Variants in GPC6 observed in about 807,000 individuals in gnomAD.
GPC6 encodes the protein glypican 6.
In GPC6, 14 loss-of-function variants were observed where a neutral mutation model predicts 55.2. That is an observed-to-expected ratio of 0.25 (90% confidence interval 0.17 to 0.40). GPC6 has a LOEUF of 0.40. Ranked by LOEUF, GPC6 falls within the 10% of genes least tolerant of loss-of-function variation. The pLI is 1.00. For synonymous variants in GPC6, 278 were observed against 259.6 expected, an observed-to-expected ratio of 1.07 and a Z score of -0.68; for missense variants, 641 against 708.5, an observed-to-expected ratio of 0.90 and a Z score of 1.08.
chr13:93,341,507 A>T (rs1329002414), intron 1 of GPC6, among the ~76,000 whole-genome samples: 3 of 152,126 alleles, frequency 2.0e-5, no homozygotes, highest in Non-Finnish European at 4.4e-5. Flanking sequence ...AGTGATGTTG[A>T]GCATTTTTTC....
At chr13:93,327,604 G>C (rs1483712490) in intron 1 of GPC6, among the ~76,000 whole-genome samples, 1 of 152,066 alleles carries the variant, frequency 6.6e-6, no homozygotes, top group Non-Finnish European at 1.5e-5. Context: ...CTCAGATCCT[G>C]GCTAGTTTAG....
intron 6 of GPC6, among the ~76,000 whole-genome samples, chr13:94,310,035 A>G (rs1467237335): frequency 4.6e-5 from 7 of 152,230 alleles, no homozygotes; most frequent in Non-Finnish European, 8.8e-5. Flanking sequence ...GGAAATGTCA[A>G]GTATAAAAAT....
At chr13:93,789,610 T>C (rs1404056443) in intron 2 of GPC6, among the ~76,000 whole-genome samples, 1 of 27,688 alleles carries the variant, frequency 3.6e-5, no homozygotes, top group Admixed American at 6.0e-4. Context: ...TATATATATA[T>C]ATATATATAT....
chr13:93,816,268 A>G (rs1236876973), intron 2 of GPC6, among the ~76,000 whole-genome samples: 1 of 152,158 alleles, frequency 6.6e-6, no homozygotes, highest in Admixed American at 6.5e-5. Context: ...AAAAGCATTC[A>G]TTACAATACC....
chr13:93,628,489 G>A (rs1879299042), intron 2 of GPC6, among the ~76,000 whole-genome samples: 1 of 152,192 alleles, frequency 6.6e-6, no homozygotes. Context: ...ACTTGTAGCT[G>A]TGTAAGTATT....
chr13:93,303,640 G>C (rs967084848), intron 1 of GPC6, among the ~76,000 whole-genome samples: 2 of 151,790 alleles, frequency 1.3e-5, no homozygotes, highest in African/African-American at 2.4e-5. Context: ...AGGAGCAGAG[G>C]GTTCTTAAAT....
rs536045193 is a variant in GPC6 at position 94,381,172 on chromosome 13, C to G, written c.1153-1242C>G. ...AATAAATAATCTGTGTTACTAGGTA[C>G]TTTGAGATTCTGTAAATATCCCATT... On this transcript the variant is annotated intron_variant, in intron 6 of 8. Transcript: ENST00000377047. Among the ~76,000 whole-genome samples, 5 of 152,286 alleles carry G rather than the reference C, an allele frequency of 3.3e-5. No individual in the cohort carries two copies. In the South Asian group the frequency reaches 1.0e-3, roughly 32 times the overall value.
intron 1 of GPC6, among the ~76,000 whole-genome samples, chr13:93,443,410 A>G (rs1299115994): frequency 6.6e-6 from 1 of 152,204 alleles, no homozygotes; most frequent in African/African-American, 2.4e-5. Flanking sequence ...AACTGGATTG[A>G]TTAGGTAATA....
intron 3 of GPC6, among the ~76,000 whole-genome samples, chr13:93,856,998 T>G (rs775984629): frequency 6.6e-6 from 1 of 151,624 alleles, no homozygotes; most frequent in Non-Finnish European, 1.5e-5. Context: ...TAGATTCTTA[T>G]TCAACATTTC....
intron 2 of GPC6, among the ~76,000 whole-genome samples, chr13:93,715,630 A>T (rs1230170468): frequency 6.6e-6 from 1 of 151,634 alleles, no homozygotes; most frequent in Non-Finnish European, 1.5e-5. Flanking sequence ...TAAAAGTTGA[A>T]AACAGAGAAA....
chr13:94,131,256 T>G (rs1321578982), intron 4 of GPC6, among the ~76,000 whole-genome samples: 1 of 152,154 alleles, frequency 6.6e-6, no homozygotes, highest in East Asian at 1.9e-4. Context: ...TTTAAAGGTT[T>G]TCTGTTTTAT....
chr13:94,330,290 G>A (rs1877343669), intron 6 of GPC6, among the ~76,000 whole-genome samples: 1 of 152,070 alleles, frequency 6.6e-6, no homozygotes, highest in South Asian at 2.1e-4. Context: ...AGTCTGTTTG[G>A]CCACTGGCCA....
At chr13:93,889,345 C>T (rs540644130) in intron 3 of GPC6, among the ~76,000 whole-genome samples, 30 of 152,142 alleles carry the variant, frequency 2.0e-4, no homozygotes, top group Admixed American at 1.2e-3. Context: ...TGGCTTATAA[C>T]GCATTATTTT....
At chr13:94,136,210 T>C (rs1407112421) in intron 4 of GPC6, among the ~76,000 whole-genome samples, 3 of 151,924 alleles carry the variant, frequency 2.0e-5, no homozygotes, top group African/African-American at 7.3e-5. Flanking sequence ...TTTTCTTCAT[T>C]TCACTTCACT....
chr13:93,526,558 C>T lies in GPC6; in HGVS notation c.161-18705C>T, dbSNP rs895106076. Among the ~76,000 whole-genome samples, 11 of 152,052 alleles carry T rather than the reference C, an allele frequency of 7.2e-5. No individual in the cohort carries two copies. In the South Asian group the frequency reaches 8.3e-4, roughly 11 times the overall value. On this transcript the variant is annotated intron_variant, in intron 1 of 8. Coordinates refer to ENST00000377047, the MANE Select transcript of GPC6 (RefSeq NM_005708.5). ...ATATCCTTATATATTTTCTCTTCCC[C>T]GAGTACAGTAACATTTAATATAGGA... is the stretch of plus-strand genomic sequence containing the variant.
chr13:94,396,192 C>A (rs1284194794), intron 7 of GPC6, among the ~76,000 whole-genome samples: 4 of 152,192 alleles, frequency 2.6e-5, no homozygotes, highest in Non-Finnish European at 5.9e-5. Context: ...TTTAACTTGT[C>A]CACACGTTTA....
intron 4 of GPC6, among the ~76,000 whole-genome samples, chr13:94,207,634 A>G (rs1250485936): frequency 6.6e-6 from 1 of 152,196 alleles, no homozygotes; most frequent in Non-Finnish European, 1.5e-5. Flanking sequence ...TCTAGAATGA[A>G]TACTCTTTTT....
intron 4 of GPC6, among the ~76,000 whole-genome samples, chr13:94,104,883 C>T (rs1594739501): frequency 1.3e-5 from 2 of 152,186 alleles, no homozygotes; most frequent in Admixed American, 1.3e-4. Context: ...TGAAAATGGC[C>T]ATACTGCCCA....
chr13:94,247,860 G>C (rs1891242950), intron 4 of GPC6, among the ~76,000 whole-genome samples: 1 of 151,766 alleles, frequency 6.6e-6, no homozygotes, highest in African/African-American at 2.4e-5. Context: ...GGGTCTCGCT[G>C]TTTTGCCCAG....
Sources: gnomAD v4.1 joint callset for allele counts (sites outside exome capture counted in the v4.1 genomes callset) on GRCh38, gnomAD v4.1.1 for gene constraint, MANE v1.5 for transcripts, NCBI Gene and HGNC (gene_info 2026-07-23, HGNC 2026-07-21) for gene names.